PARD3: variants seen among roughly 807,000 people sequenced by gnomAD.
The protein encoded by PARD3 is partitioning defective 3 homolog.
A neutral mutation model predicts 155.4 loss-of-function variants in PARD3; 75 were observed. The ratio of observed to expected loss-of-function variants is 0.48; its 90% CI spans 0.40 to 0.58. The LOEUF is 0.58. PARD3 is among the 20% of genes least tolerant of loss of function. The pLI, the probability that PARD3 is intolerant of heterozygous loss-of-function variation, is 0.00. For missense variants in PARD3, 1,642 were observed against 1,721.7 expected (o/e 0.95, Z 0.82); for synonymous variants, 576 against 610.5 (o/e 0.94, Z 0.83).
chr10:34,631,357 A>G (rs887943976), intron 2 of PARD3, among the ~76,000 whole-genome samples: 2 of 152,138 alleles, frequency 1.3e-5, no homozygotes, highest in Non-Finnish European at 2.9e-5. Flanking sequence ...CATGAGAGAG[A>G]AGGGGTGGGT....
chr10:34,450,221 T>A, intron 5 of PARD3, 96 bp downstream of exon 5: 4 of 1,165,488 alleles, frequency 3.4e-6, no homozygotes, highest in Non-Finnish European at 4.9e-6. Context: ...TAATTAACTT[T>A]TAATCATCAC....
At chr10:34,241,857 A>G (rs1429225708) in intron 22 of PARD3, among the ~76,000 whole-genome samples, 1 of 152,104 alleles carries the variant, frequency 6.6e-6, no homozygotes, top group Non-Finnish European at 1.5e-5. Flanking sequence ...TCAACACTCA[A>G]ATCACATTTG....
intron 2 of PARD3, among the ~76,000 whole-genome samples, chr10:34,525,780 T>C (rs1048490058): frequency 6.6e-6 from 1 of 151,660 alleles, no homozygotes; most frequent in Non-Finnish European, 1.5e-5. Context: ...CCGGCCAAAA[T>C]ATTTTTATTA....
intron 2 of PARD3, among the ~76,000 whole-genome samples, chr10:34,667,291 A>G (rs923813197): frequency 3.9e-5 from 6 of 152,242 alleles, no homozygotes; most frequent in Non-Finnish European, 8.8e-5. Flanking sequence ...TCTTTCTGCT[A>G]AAGAAATGCC....
intron 19 of PARD3, among the ~76,000 whole-genome samples, chr10:34,329,837 A>G (rs939363300): frequency 2.0e-5 from 3 of 152,242 alleles, no homozygotes; most frequent in African/African-American, 7.2e-5. Flanking sequence ...TTACATTATG[A>G]CAGAAATATT....
chr10:34,130,198 A>T (rs527866690), intron 23 of PARD3, among the ~76,000 whole-genome samples: 1 of 152,198 alleles, frequency 6.6e-6, no homozygotes, highest in African/African-American at 2.4e-5. Context: ...TGTTTTGACC[A>T]CAACTTCCTA....
At chr10:34,567,369 G>A (rs547986749) in intron 2 of PARD3, among the ~76,000 whole-genome samples, 3 of 152,244 alleles carry the variant, frequency 2.0e-5, no homozygotes, top group South Asian at 2.1e-4. Flanking sequence ...GGAGACTAAC[G>A]AGACTATTTT....
At position 34,772,828 on chromosome 10, in the gene PARD3, T is replaced by A. The variant is rs929186891; in HGVS notation, c.120+42048A>T. On this transcript the variant is annotated intron_variant, in intron 1 of 24. Coordinates refer to ENST00000374788, the MANE Select transcript of PARD3 (RefSeq NM_001184785.2). Reference sequence around the variant, plus strand: ...AAAAAAAAAAAAAACTATTTCTACATGGTTCTATAGCTTGTATTCTCAACG... The same window carrying A: ...AAAAAAAAAAAAAACTATTTCTACAAGGTTCTATAGCTTGTATTCTCAACG... Among the ~76,000 whole-genome samples the A allele has an allele frequency of 2.7e-5, 4 of 150,252 alleles. No homozygotes were observed. The East Asian group carries it at 7.8e-4, about 29-fold the overall frequency.
rs117940706 is a variant in PARD3 at position 34,281,898 on chromosome 10, T to A, written c.3176+2237A>T. 9.6e-3 allele frequency among the ~76,000 whole-genome samples: 1,453 copies of A among 152,146 alleles called. 12 individuals carry two copies. Among genetic ancestry groups the A allele is most frequent in the Admixed American group, 0.016 (249 of 15,258 alleles). On this transcript the variant is annotated intron_variant, in intron 21 of 24. Coordinates refer to ENST00000374788, the MANE Select transcript of PARD3 (RefSeq NM_001184785.2). ...CAAATAGCTACAGTGGTAAATAATA[T>A]CCCGAGAGGTATTTCACTACTAGTC... is the stretch of plus-strand genomic sequence containing the variant.
chr10:34,214,994 C>T (rs1384490565), intron 22 of PARD3, among the ~76,000 whole-genome samples: 1 of 152,122 alleles, frequency 6.6e-6, no homozygotes, highest in East Asian at 1.9e-4. Context: ...TTGCAGTGGC[C>T]CATTTTGCTT....
At chr10:34,406,084 T>C (rs1844440999) in intron 5 of PARD3, among the ~76,000 whole-genome samples, 1 of 152,176 alleles carries the variant, frequency 6.6e-6, no homozygotes, top group Non-Finnish European at 1.5e-5. Context: ...CAGAGTTTAA[T>C]CAAAGGATTG....
At chr10:34,196,702 T>A (rs1303317525) in intron 22 of PARD3, among the ~76,000 whole-genome samples, 3 of 151,194 alleles carry the variant, frequency 2.0e-5, no homozygotes, top group Non-Finnish European at 2.9e-5. Flanking sequence ...GCCTCCCGAG[T>A]AGCTGGGACT....
At chr10:34,156,970 T>G (rs1949038515) in intron 22 of PARD3, among the ~76,000 whole-genome samples, 1 of 152,156 alleles carries the variant, frequency 6.6e-6, no homozygotes, top group South Asian at 2.1e-4. Context: ...AACCCTGCCC[T>G]TGAGTAGGAA....
At chr10:34,283,954 G>A (rs1222028975) in intron 21 of PARD3, among the ~76,000 whole-genome samples, 181 bp downstream of exon 21, 2 of 148,036 alleles carry the variant, frequency 1.4e-5, no homozygotes, top group African/African-American at 2.5e-5. Context: ...ATACATATAA[G>A]GTTTTTTTTT....
chr10:34,145,208 TATA>T (rs1948416004), intron 22 of PARD3, among the ~76,000 whole-genome samples: 1 of 68,150 alleles, frequency 1.5e-5, no homozygotes, highest in African/African-American at 7.4e-5. Context: ...TATATATATA[TATA>T]TATATATATA....
At chr10:34,271,544 T>A (rs1178687312) in intron 21 of PARD3, among the ~76,000 whole-genome samples, 1 of 152,084 alleles carries the variant, frequency 6.6e-6, no homozygotes, top group Non-Finnish European at 1.5e-5. Flanking sequence ...AGAAATAAAG[T>A]GAAACTTCCT....
At chr10:34,294,606 G>A (rs999825622) in intron 20 of PARD3, among the ~76,000 whole-genome samples, 3 of 152,190 alleles carry the variant, frequency 2.0e-5, no homozygotes, top group Admixed American at 6.5e-5. Flanking sequence ...AAATTAAGAG[G>A]TGCAGATTTT....
chr10:34,624,163 C>T (rs989102594), intron 2 of PARD3, among the ~76,000 whole-genome samples: 1 of 152,114 alleles, frequency 6.6e-6, no homozygotes, highest in Non-Finnish European at 1.5e-5. Flanking sequence ...TGAAGAACTG[C>T]GTTTCATGAC....
intron 14 of PARD3, 101 bp from the exon 15 acceptor site, chr10:34,348,216 T>C (rs1837630641): frequency 1.0e-6 from 1 of 1,004,730 alleles, no homozygotes; most frequent in Non-Finnish European, 1.4e-6. Flanking sequence ...TGTATCCAAC[T>C]GGGTACCAAA....
Sources: allele counts gnomAD v4.1 joint callset (sites outside exome capture counted in the v4.1 genomes callset), GRCh38; gene constraint gnomAD v4.1.1; transcripts MANE v1.5; gene names NCBI Gene and HGNC (gene_info 2026-07-23, HGNC 2026-07-21).